The following ARHGAP25 variants were observed in gnomAD, a reference collection of about 807,000 sequenced individuals.
The protein encoded by ARHGAP25 is rho GTPase-activating protein 25.
Under a neutral mutation model 71.0 loss-of-function variants are expected in ARHGAP25, and 34 were observed. That is an observed-to-expected ratio of 0.48 (90% CI 0.36 to 0.64). The LOEUF (loss-of-function observed/expected upper bound fraction) is 0.64. Ranked by LOEUF, ARHGAP25 falls within the 30% of genes least tolerant of loss-of-function variation. ARHGAP25 has a pLI of 0.00. For synonymous variants in ARHGAP25, 282 were observed against 296.5 expected, an observed-to-expected ratio of 0.95 and a Z score of 0.50; for missense variants, 706 against 805.1, an observed-to-expected ratio of 0.88 and a Z score of 1.49.
In ARHGAP25 at chr2:68,807,549, C is replaced by G. The variant is rs576542477; in HGVS notation, c.674+69C>G. 6 of 1,480,338 alleles carry G rather than the reference C, an allele frequency of 4.1e-6. No individual in the cohort carries two copies. In the Admixed American group the frequency reaches 1.0e-4, roughly 25 times the overall value. The allele number at this position is 1,480,338 out of a possible 1,614,324, so 91.7% of individuals were successfully genotyped here. ...GCTTGGCTTGGCTGGGAGGGCCTCT[C>G]CATTCCAGTTGAGCTATGGGACTTG... On this transcript the variant is annotated intron_variant, in intron 5 of 10. Coordinates refer to ENST00000409202, the MANE Select transcript of ARHGAP25 (RefSeq NM_001007231.3).
At chr2:68,816,383 A>G in intron 7 of ARHGAP25, 21 bp downstream of exon 7, 1 of 1,592,440 alleles carries the variant, frequency 6.3e-7, no homozygotes. Flanking sequence ...CCTGGTATCA[A>G]CTCTGCAGTT....
intron 2 of ARHGAP25, among the ~76,000 whole-genome samples, chr2:68,722,684 A>G (rs1674791671): frequency 6.6e-6 from 1 of 152,096 alleles, no homozygotes; most frequent in African/African-American, 2.4e-5. Context: ...AGGGTCACCC[A>G]GGCAGTGAGC....
At chr2:68,740,357 G>C (rs4854504) in intron 1 of ARHGAP25, among the ~76,000 whole-genome samples, 2 of 152,024 alleles carry the variant, frequency 1.3e-5, no homozygotes, top group Non-Finnish European at 2.9e-5. Context: ...ACTATGTATA[G>C]ACCCTCTGCA....
chr2:68,811,193 G>A (rs1680786731), intron 5 of ARHGAP25, among the ~76,000 whole-genome samples: 1 of 152,232 alleles, frequency 6.6e-6, no homozygotes, highest in South Asian at 2.1e-4. Context: ...AGTGAAAGGA[G>A]GGGAGAGGCT....
At chr2:68,763,554 A>G (rs911251064) in intron 1 of ARHGAP25, among the ~76,000 whole-genome samples, 2 of 152,190 alleles carry the variant, frequency 1.3e-5, no homozygotes, top group Non-Finnish European at 2.9e-5. Flanking sequence ...ATATAAACTA[A>G]TGTTGAATTT....
intron 2 of ARHGAP25, among the ~76,000 whole-genome samples, chr2:68,717,110 G>A (rs1047140029): frequency 2.0e-5 from 3 of 152,118 alleles, no homozygotes; most frequent in East Asian, 1.9e-4. Context: ...CATATGGTAC[G>A]GGCTATTGCT....
chr2:68,721,838 C>T (rs1041374822), intron 2 of ARHGAP25, among the ~76,000 whole-genome samples: 3 of 152,158 alleles, frequency 2.0e-5, no homozygotes, highest in African/African-American at 7.2e-5. Context: ...AACTTGGATC[C>T]CTTGCTCTTC....
In ARHGAP25 at chr2:68,760,197, A is replaced by G. The variant is rs1676717736; in HGVS notation, c.62-15024A>G. ...TAGAAGGAATCTACCTCAATGTAAT[A>G]AAAGTCATATGTAAATAACCCACAG... On this transcript the variant is annotated intron_variant, in intron 1 of 10. Coordinates refer to ENST00000409202, the MANE Select transcript of ARHGAP25 (RefSeq NM_001007231.3). 2.0e-5 allele frequency among the ~76,000 whole-genome samples: 3 copies of G among 152,074 alleles called. No homozygotes were observed. In the South Asian group the frequency reaches 6.2e-4, roughly 31 times the overall value.
In ARHGAP25 at chr2:68,819,113, T is replaced by G; in HGVS notation, c.1004-10T>G. The stretch of plus-strand genomic sequence containing the variant: ...CACTACACAACAGATCTTTTTCTTC[T>G]GTCTTTCAGGGACTCCTCAGATCCA... On this transcript the variant is annotated splice_polypyrimidine_tract_variant and intron_variant, in intron 8 of 10. Transcript: ENST00000409202. 1 of 1,530,394 alleles carries G rather than the reference T, an allele frequency of 6.5e-7. No individual in the cohort carries two copies. Among genetic ancestry groups the G allele is most frequent in the Non-Finnish European group, 8.8e-7 (1 of 1,139,626 alleles). The allele number at this position is 1,530,394 out of a possible 1,614,324, so 94.8% of individuals were successfully genotyped here.
At chr2:68,712,923 A>T (rs1336966810) in intron 2 of ARHGAP25, among the ~76,000 whole-genome samples, 1 of 152,164 alleles carries the variant, frequency 6.6e-6, no homozygotes, top group African/African-American at 2.4e-5. Context: ...CTTGTAGTAT[A>T]GTTTGAAGTC....
chr2:68,825,397 G>A (rs1202365022), intron 10 of ARHGAP25, among the ~76,000 whole-genome samples: 2 of 152,048 alleles, frequency 1.3e-5, no homozygotes, highest in Non-Finnish European at 2.9e-5. Flanking sequence ...CAAAGACTTT[G>A]TTATCCGGTT....
intron 3 of ARHGAP25, among the ~76,000 whole-genome samples, chr2:68,782,553 C>T (rs1464419739): frequency 6.6e-6 from 1 of 152,174 alleles, no homozygotes; most frequent in Non-Finnish European, 1.5e-5. Flanking sequence ...TTTTGTTCAA[C>T]TCTGTAAGCA....
In ARHGAP25 at chr2:68,782,163, G is replaced by A. The variant is rs1003711457; in HGVS notation, c.262-70G>A. 1.2e-5 allele frequency: 16 copies of A among 1,366,394 alleles called. No individual in the cohort carries two copies. In the African/African-American group the frequency reaches 2.3e-4, roughly 20 times the overall value. The allele number at this position is 1,366,394 out of a possible 1,614,324, so 84.6% of individuals were successfully genotyped here. On this transcript the variant is annotated intron_variant, in intron 2 of 10. Transcript: ENST00000409202. ...TCCCCATCCCATCATTATCCTATCT[G>A]TTGTCCAACCCAATTTTAGTTTATA... is the stretch of plus-strand genomic sequence containing the variant.
At chr2:68,824,283 C>A (rs1681927053) in intron 10 of ARHGAP25, among the ~76,000 whole-genome samples, 1 of 152,010 alleles carries the variant, frequency 6.6e-6, no homozygotes, top group Non-Finnish European at 1.5e-5. Flanking sequence ...TCCTCTGAAT[C>A]CATCAGTTGG....
chr2:68,732,481 G>A (rs1244399080), upstream of ARHGAP25, among the ~76,000 whole-genome samples: 1 of 152,214 alleles, frequency 6.6e-6, no homozygotes, highest in African/African-American at 2.4e-5. Flanking sequence ...ATTAAGTTGG[G>A]ATACGAAAAA....
At position 68,816,279 on chromosome 2, in the gene ARHGAP25, C is replaced by G; in HGVS notation, c.808-10C>G. The G allele has an allele frequency of 3.7e-6, 6 of 1,611,300 alleles. No homozygotes were observed. Among genetic ancestry groups the G allele is most frequent in the Non-Finnish European group, 5.1e-6 (6 of 1,177,562 alleles). On this transcript the variant is annotated splice_polypyrimidine_tract_variant and intron_variant, in intron 6 of 10. Transcript: ENST00000409202. Reference sequence around the variant, plus strand: ...TGGTAAATGATTTACTTGTGTAAATCTCTTCCCAGGCTCAGCAGGAGTTGA... The same window carrying G: ...TGGTAAATGATTTACTTGTGTAAATGTCTTCCCAGGCTCAGCAGGAGTTGA...
At chr2:68,730,235 C>CATAA (rs1352965312), upstream of ARHGAP25, among the ~76,000 whole-genome samples, 1 of 152,172 alleles carries the variant, frequency 6.6e-6, no homozygotes, top group African/African-American at 2.4e-5. Context: ...GGGAAAAGTT[C>CATAA]TTATTACACA....
intron 1 of ARHGAP25, among the ~76,000 whole-genome samples, chr2:68,753,411 A>G (rs1016543154): frequency 1.3e-5 from 2 of 152,174 alleles, no homozygotes; most frequent in Non-Finnish European, 2.9e-5. Context: ...AAAACCCAGT[A>G]CTACTTGAAT....
At chr2:68,766,545 GA>G (rs949372097) in intron 1 of ARHGAP25, among the ~76,000 whole-genome samples, 4 of 152,152 alleles carry the variant, frequency 2.6e-5, no homozygotes, top group Non-Finnish European at 5.9e-5. Context: ...TAAGAAACAC[GA>G]AAGCCACAAA....
Sources: gnomAD v4.1 joint callset for allele counts (sites outside exome capture counted in the v4.1 genomes callset) on GRCh38, gnomAD v4.1.1 for gene constraint, MANE v1.5 for transcripts, NCBI Gene and HGNC (gene_info 2026-07-23, HGNC 2026-07-21) for gene names.